SCFD2: variants seen among roughly 807,000 people sequenced by gnomAD.
SCFD2 encodes sec1 family domain containing 2, also known as sec1 family domain-containing protein 2.
SCFD2 carries 54 observed loss-of-function variants against 58.9 expected under a neutral mutation model. The observed-to-expected ratio is 0.92, with a 90% confidence interval of 0.74 to 1.15. The LOEUF (loss-of-function observed/expected upper bound fraction) is 1.15, where lower values mean the gene tolerates loss of function less well. Ranked by LOEUF, SCFD2 falls within the 50% of genes most tolerant of loss-of-function variation. SCFD2 has a pLI of 0.00. For missense variants in SCFD2, 805 were observed against 836.6 expected, an observed-to-expected ratio of 0.96 and a Z score of 0.47; for synonymous variants, 321 against 335.9, an observed-to-expected ratio of 0.96 and a Z score of 0.49.
At chr4:53,268,647 AG>A (rs1463384122) in intron 4 of SCFD2, among the ~76,000 whole-genome samples, 2 of 152,046 alleles carry the variant, frequency 1.3e-5, no homozygotes, top group Non-Finnish European at 1.5e-5. Context: ...GGGGTGCTGG[AG>A]CCCGAGAGGC....
chr4:52,877,732 G>A (rs1273652334), intron 8 of SCFD2, among the ~76,000 whole-genome samples: 1 of 152,142 alleles, frequency 6.6e-6, no homozygotes, highest in Non-Finnish European at 1.5e-5. Context: ...AGTAGTTATG[G>A]GGCGGATGCA....
intron 5 of SCFD2, among the ~76,000 whole-genome samples, chr4:52,960,623 C>T (rs1720824303): frequency 6.6e-6 from 1 of 152,102 alleles, no homozygotes; most frequent in Admixed American, 6.5e-5. Flanking sequence ...CCTGTCTCAG[C>T]CTCCCAAAGT....
intron 5 of SCFD2, among the ~76,000 whole-genome samples, chr4:52,959,594 A>C (rs1470532389): frequency 2.0e-5 from 3 of 152,136 alleles, no homozygotes; most frequent in East Asian, 3.9e-4. Context: ...TTAACCCCCA[A>C]ATATCCAGAA....
At chr4:53,090,578 T>A (rs942996516) in intron 5 of SCFD2, among the ~76,000 whole-genome samples, 1 of 152,172 alleles carries the variant, frequency 6.6e-6, no homozygotes, top group African/African-American at 2.4e-5. Flanking sequence ...ATCCACAGTA[T>A]GTGACTTGGG....
At chr4:53,330,303 C>T (rs1201119296) in intron 2 of SCFD2, among the ~76,000 whole-genome samples, 1 of 151,526 alleles carries the variant, frequency 6.6e-6, no homozygotes, top group Admixed American at 6.6e-5. Context: ...TCAGATTCAC[C>T]AAAGTTGAAA....
chr4:53,193,352 T>C (rs551309820), intron 4 of SCFD2, among the ~76,000 whole-genome samples: 21 of 152,280 alleles, frequency 1.4e-4, no homozygotes, highest in Middle Eastern at 6.8e-3. Context: ...TGATTATCTG[T>C]TTCAAAGAAA....
chr4:52,877,785 C>G (rs575457666), intron 8 of SCFD2, among the ~76,000 whole-genome samples: 41 of 152,194 alleles, frequency 2.7e-4, no homozygotes, highest in Non-Finnish European at 5.4e-4. Context: ...AAGTGTGAAT[C>G]TGATCGCATT....
intron 3 of SCFD2, among the ~76,000 whole-genome samples, chr4:53,306,013 T>C (rs1560439489): frequency 6.6e-6 from 1 of 152,170 alleles, no homozygotes; most frequent in African/African-American, 2.4e-5. Context: ...CTATGTTAGG[T>C]GCAAAGAATA....
At chr4:53,203,736 A>C (rs1728323094) in intron 4 of SCFD2, among the ~76,000 whole-genome samples, 1 of 152,108 alleles carries the variant, frequency 6.6e-6, no homozygotes, top group Non-Finnish European at 1.5e-5. Flanking sequence ...TGAAAGGCTC[A>C]GGAAATGGCA....
At chr4:53,142,964 TATAAG>T (rs1263382269) in intron 5 of SCFD2, among the ~76,000 whole-genome samples, 7 of 152,226 alleles carry the variant, frequency 4.6e-5, no homozygotes, top group African/African-American at 1.7e-4. Flanking sequence ...TACTTAGTAT[TATAAG>T]ATGTCTCTAA....
At chr4:53,209,261 G>T (rs1303072036) in intron 4 of SCFD2, among the ~76,000 whole-genome samples, 1 of 152,136 alleles carries the variant, frequency 6.6e-6, no homozygotes, top group African/African-American at 2.4e-5. Flanking sequence ...ATCCTACCAT[G>T]CCCTTGATAA....
chr4:53,326,871 TTAAC>T (rs1209235827), intron 2 of SCFD2, among the ~76,000 whole-genome samples: 1 of 152,060 alleles, frequency 6.6e-6, no homozygotes, highest in Non-Finnish European at 1.5e-5. Flanking sequence ...CACAAAAAAT[TTAAC>T]TAACAAATTA....
At chr4:52,973,251 A>G (rs1721158163) in intron 5 of SCFD2, among the ~76,000 whole-genome samples, 1 of 152,220 alleles carries the variant, frequency 6.6e-6, no homozygotes, top group South Asian at 2.1e-4. Flanking sequence ...GAAAAGATCA[A>G]CAAAATTGAT....
At chr4:52,878,358 T>A (rs752697210) in intron 8 of SCFD2, among the ~76,000 whole-genome samples, 7 of 152,210 alleles carry the variant, frequency 4.6e-5, no homozygotes, top group Non-Finnish European at 7.3e-5. Context: ...CAGGTAAATG[T>A]GTTTCCTCTC....
intron 5 of SCFD2, among the ~76,000 whole-genome samples, chr4:52,990,678 T>G (rs562385609): frequency 1.3e-5 from 2 of 152,306 alleles, no homozygotes; most frequent in African/African-American, 4.8e-5. Context: ...AGTATAGTAT[T>G]CTCTTACTAA....
At chr4:53,136,022 CT>C (rs1351374312) in intron 5 of SCFD2, among the ~76,000 whole-genome samples, 1 of 152,200 alleles carries the variant, frequency 6.6e-6, no homozygotes, top group Non-Finnish European at 1.5e-5. Flanking sequence ...AATTATGCAA[CT>C]TCAGCACTGT....
At chr4:53,069,138 A>G (rs1723744573) in intron 5 of SCFD2, among the ~76,000 whole-genome samples, 1 of 152,052 alleles carries the variant, frequency 6.6e-6, no homozygotes, top group African/African-American at 2.4e-5. Flanking sequence ...CAGCTGAAGG[A>G]TCCGCTAGGG....
intron 3 of SCFD2, among the ~76,000 whole-genome samples, chr4:53,300,041 T>C (rs1040047837): frequency 3.3e-5 from 5 of 152,092 alleles, no homozygotes; most frequent in Non-Finnish European, 7.3e-5. Context: ...CTGCATCAAC[T>C]AACGAGCAAA....
intron 5 of SCFD2, among the ~76,000 whole-genome samples, chr4:52,998,436 T>C (rs917677001): frequency 6.6e-6 from 1 of 152,242 alleles, no homozygotes; most frequent in Non-Finnish European, 1.5e-5. Context: ...CAACTGCATA[T>C]TCAGCCGTCA....
Sources: allele counts gnomAD v4.1 joint callset (sites outside exome capture counted in the v4.1 genomes callset), GRCh38; gene constraint gnomAD v4.1.1; transcripts MANE v1.5; gene names NCBI Gene and HGNC (gene_info 2026-07-23, HGNC 2026-07-21).